The following LLGL2 variants were observed in gnomAD, a reference collection of about 807,000 sequenced individuals.
LLGL2 encodes the protein LLGL2, scribble cell polarity complex component.
Under a neutral mutation model 123.2 loss-of-function variants are expected in LLGL2, and 81 were observed. The ratio of observed to expected loss-of-function variants is 0.66; its 90% CI spans 0.55 to 0.79. The LOEUF (loss-of-function observed/expected upper bound fraction) is 0.79, where lower values mean the gene tolerates loss of function less well. Ranked by LOEUF, LLGL2 falls within the 30% of genes least tolerant of loss-of-function variation. The pLI, the probability that LLGL2 is intolerant of heterozygous loss-of-function variation, is 0.00. For synonymous variants in LLGL2, 577 were observed against 594.1 expected, an observed-to-expected ratio of 0.97 and a Z score of 0.42; for missense variants, 1,273 against 1,414.6, an observed-to-expected ratio of 0.90 and a Z score of 1.61.
intron 20 of LLGL2, 98 bp downstream of exon 20, chr17:75,573,376 C>T: frequency 6.4e-7 from 1 of 1,554,264 alleles, no homozygotes; most frequent in Non-Finnish European, 8.8e-7. Flanking sequence ...CTGGATGGGC[C>T]TTAAGCGGAG....
Position 75,558,519 on chromosome 17 carries a change from T to C in LLGL2, c.263T>C (p.Leu88Pro). 6.3e-7 allele frequency: 1 copy of C among 1,594,750 alleles called. No homozygotes were observed. The highest frequency in any genetic ancestry group is 8.5e-7 in the Non-Finnish European group (1 of 1,171,330). ...QIHLLPGQCQ[L>P]VTLLDDNSLH... ...GTCGTGTGCCCTCGCCAGTGCCAGC[T>C]GGTCACCCTGCTGGATGACAACAGC... Residue 88 changes from leucine to proline, a missense_variant, in exon 5 of 26, where the codon CTG becomes CCG. By Grantham distance (98) the Leu-to-Pro change is moderately conservative. Transcript: ENST00000392550. This position sits in a 1 kb window ranked among gnomAD's most constrained non-coding sequence, Gnocchi z 4.0.
At chr17:75,557,873 C>A in intron 3 of LLGL2, 1 of 473,850 alleles carries the variant, frequency 2.1e-6, no homozygotes, top group Non-Finnish European at 3.9e-6. Flanking sequence ...AGGGTGGCAG[C>A]CTGACAGTTG....
intron 2 of LLGL2, among the ~76,000 whole-genome samples, chr17:75,555,133 C>T (rs2054848917): frequency 1.3e-5 from 2 of 150,158 alleles, no homozygotes; most frequent in Admixed American, 6.6e-5. Flanking sequence ...GCCGAGATCG[C>T]ACCACTGCAC....
chr17:75,544,273 G>A lies in LLGL2; in HGVS notation c.75+772G>A, dbSNP rs566141567. Among the ~76,000 whole-genome samples the A allele has an allele frequency of 3.3e-5, 5 of 152,302 alleles. No individual in the cohort carries two copies. In the East Asian group the frequency reaches 9.6e-4, roughly 29 times the overall value. On this transcript the variant is annotated intron_variant, in intron 2 of 25. Coordinates refer to ENST00000392550, the MANE Select transcript of LLGL2 (RefSeq NM_001031803.2). This position sits in a 1 kb window ranked among gnomAD's most constrained non-coding sequence, Gnocchi z 4.2. Reference sequence around the variant, plus strand: ...CCTCTGCTGGGAAGGTGGGCTGCAGGAACTGGGACACTGTGATCCTCTTCC... The same window carrying A: ...CCTCTGCTGGGAAGGTGGGCTGCAGAAACTGGGACACTGTGATCCTCTTCC...
chr17:75,536,312 C>T lies in LLGL2; in HGVS notation c.-30-7085C>T, dbSNP rs373439387. Among the ~76,000 whole-genome samples, 32 of 152,308 alleles carry T rather than the reference C, an allele frequency of 2.1e-4. No individual in the cohort carries two copies. The East Asian group carries it at 5.4e-3, about 26-fold the overall frequency. On this transcript the variant is annotated intron_variant, in intron 1 of 25. Transcript: ENST00000392550. Reference sequence around the variant, plus strand: ...CTGAACTTGTCTCTTCTCCACATTCCTCCCAGGTGTGTCACTTAAGTGCAC... The same window carrying T: ...CTGAACTTGTCTCTTCTCCACATTCTTCCCAGGTGTGTCACTTAAGTGCAC...
At chr17:75,567,135 G>A (rs2055476222) in intron 10 of LLGL2, among the ~76,000 whole-genome samples, 1 of 152,164 alleles carries the variant, frequency 6.6e-6, no homozygotes, top group Non-Finnish European at 1.5e-5. Context: ...CCAGCGGGCA[G>A]CAGACCCCAG....
intron 1 of LLGL2, among the ~76,000 whole-genome samples, chr17:75,540,311 G>A (rs979824711): frequency 2.0e-5 from 3 of 152,228 alleles, no homozygotes; most frequent in African/African-American, 7.2e-5. Context: ...AGGCCCGCCA[G>A]GTCTAGACCA....
chr17:75,570,638 C>T (rs2055661935), intron 16 of LLGL2, 140 bp downstream of exon 16: 1 of 1,054,018 alleles, frequency 9.5e-7, no homozygotes, highest in East Asian at 2.6e-5. Context: ...ATTGTGTGAC[C>T]TCAGACAGGT....
chr17:75,539,094 T>C (rs1189488359), intron 1 of LLGL2, among the ~76,000 whole-genome samples: 2 of 151,996 alleles, frequency 1.3e-5, no homozygotes, highest in Non-Finnish European at 2.9e-5. Flanking sequence ...AGTTTCGCTC[T>C]GTCACCTAGG....
chr17:75,526,618 G>C (rs2053582327), intron 1 of LLGL2, among the ~76,000 whole-genome samples: 1 of 152,072 alleles, frequency 6.6e-6, no homozygotes. Context: ...GGTGAGCTTT[G>C]AGTGAGGAGG....
In LLGL2 at chr17:75,558,779, C is replaced by T. The variant is rs571855326; in HGVS notation, c.371+152C>T. On this transcript the variant is annotated intron_variant, in intron 5 of 25. Coordinates refer to ENST00000392550, the MANE Select transcript of LLGL2 (RefSeq NM_001031803.2). This position sits in a 1 kb window ranked among gnomAD's most constrained non-coding sequence, Gnocchi z 4.0. ...GATGCATCGCCACACTCAGGTGCTC[C>T]GAGTGGAGTGGGCGGGGCTGCAGCC... is the stretch of plus-strand genomic sequence containing the variant. 291 of 673,982 alleles carry T rather than the reference C, an allele frequency of 4.3e-4. 4 individuals carry two copies. The South Asian group carries it at 4.7e-3, about 11-fold the overall frequency. 41.8% of individuals were successfully genotyped at this position (673,982 alleles called of 1,614,324 possible).
rs1051190994 is a variant in LLGL2, at chr17:75,559,199, G to A, written c.372-53G>A. ...GAGGAGTCAGGGGACCCCGTCCATGGCATCTCCCCTGCTGGGCAGTGGTCG... is the reference window on the plus strand; with the variant it reads ...GAGGAGTCAGGGGACCCCGTCCATGACATCTCCCCTGCTGGGCAGTGGTCG... On this transcript the variant is annotated intron_variant, in intron 5 of 25. Transcript: ENST00000392550. The surrounding 1 kb of genome is among the most constrained non-coding windows in gnomAD (Gnocchi z 4.6). 109 of 1,514,478 alleles carry A rather than the reference G, an allele frequency of 7.2e-5. No individual in the cohort carries two copies. The highest frequency in any genetic ancestry group is 3.5e-4 in the Middle Eastern group (2 of 5,640). 93.8% of individuals were successfully genotyped at this position (1,514,478 alleles called of 1,614,324 possible).
intron 6 of LLGL2, chr17:75,562,641 T>C (rs2055270572): frequency 4.0e-6 from 1 of 247,178 alleles, no homozygotes; most frequent in South Asian, 5.7e-5. Context: ...CGATCTCGGC[T>C]CACTGCAACC....
At chr17:75,570,877 C>T in intron 16 of LLGL2, 73 bp from the exon 17 acceptor site, 1 of 1,507,924 alleles carries the variant, frequency 6.6e-7, no homozygotes, top group Non-Finnish European at 8.9e-7. Context: ...ATGCAAGGAT[C>T]AGCACTGAGC....
rs2054620492 is a variant in LLGL2, at chr17:75,550,576, G to T, written c.76-5470G>T. Among the ~76,000 whole-genome samples the T allele has an allele frequency of 3.3e-5, 5 of 152,080 alleles. No homozygotes were observed. The South Asian group carries it at 1.0e-3, about 31-fold the overall frequency. On this transcript the variant is annotated intron_variant, in intron 2 of 25. Transcript: ENST00000392550. ...GAGGCAGGTGGATCACTTGAGTCCA[G>T]GAGTTCGAGACCAGCCTGGGCAACA...
intron 2 of LLGL2, among the ~76,000 whole-genome samples, chr17:75,550,513 G>T (rs1009291053): frequency 6.6e-6 from 1 of 152,108 alleles, no homozygotes; most frequent in Non-Finnish European, 1.5e-5. Context: ...GGCCGGGCGC[G>T]GTGGCTTACA....
intron 2 of LLGL2, among the ~76,000 whole-genome samples, chr17:75,551,838 A>G (rs563073227): frequency 1.2e-4 from 18 of 152,332 alleles, no homozygotes; most frequent in Middle Eastern, 3.4e-3. Context: ...AATTTTAATT[A>G]TATATTCTGG....
chr17:75,559,016 T>C lies in LLGL2; in HGVS notation c.372-236T>C. The C allele has an allele frequency of 1.7e-6, 1 of 581,348 alleles. No homozygotes were observed. The highest frequency in any genetic ancestry group is 2.9e-5 in the East Asian group (1 of 34,276). 36.0% of individuals were successfully genotyped at this position (581,348 alleles called of 1,614,324 possible). ...CTCCATCTGCACCCCGCCTCCTCCA[T>C]CCGCACCCCGTGTTATGCTGGAGGG... On this transcript the variant is annotated intron_variant, in intron 5 of 25. Transcript: ENST00000392550. This position sits in a 1 kb window ranked among gnomAD's most constrained non-coding sequence, Gnocchi z 4.6.
intron 10 of LLGL2, among the ~76,000 whole-genome samples, chr17:75,566,403 C>T (rs777687815): frequency 4.6e-5 from 7 of 152,280 alleles, no homozygotes; most frequent in Admixed American, 1.3e-4. Flanking sequence ...GCTTGGGCTG[C>T]GGTGCAGGCC....
Sources: gnomAD v4.1 joint callset for allele counts (sites outside exome capture counted in the v4.1 genomes callset) on GRCh38, gnomAD v4.1.1 for gene constraint, Gnocchi (gnomAD v3.1) non-coding constraint, MANE v1.5 for transcripts, NCBI Gene and HGNC (gene_info 2026-07-23, HGNC 2026-07-21) for gene names.